The following TMCC1 variants were observed in gnomAD, a reference collection of about 807,000 sequenced individuals.
TMCC1 encodes the protein transmembrane and coiled-coil domains protein 1.
In TMCC1, 15 loss-of-function variants were observed where a neutral mutation model predicts 52.4. That is an observed-to-expected ratio of 0.29 (90% CI 0.19 to 0.44). The LOEUF (loss-of-function observed/expected upper bound fraction) is 0.44. Among genes scored for constraint, TMCC1 ranks in the 20% least tolerant of loss-of-function variants. The probability of loss-of-function intolerance (pLI) is 1.00; values close to 1 mark genes in which losing one functional copy is unlikely to be tolerated. For synonymous variants in TMCC1, 279 were observed against 301.9 expected (o/e 0.92, Z 0.79); for missense variants, 503 against 806.0 (o/e 0.62, Z 4.55).
chr3:129,723,197 G>T (rs1462729848), intron 4 of TMCC1, among the ~76,000 whole-genome samples: 4 of 152,036 alleles, frequency 2.6e-5, no homozygotes, highest in African/African-American at 9.7e-5. Context: ...AATAAAGCTG[G>T]ATCATCCTCC....
At chr3:129,854,522 T>C (rs148544486) in intron 2 of TMCC1, among the ~76,000 whole-genome samples, 159 of 152,232 alleles carry the variant, frequency 1.0e-3, no homozygotes, top group African/African-American at 3.4e-3. Flanking sequence ...AAAAACCTAA[T>C]AAGGACAGGC....
chr3:129,822,612 C>T (rs1384028321), intron 4 of TMCC1, among the ~76,000 whole-genome samples: 1 of 152,070 alleles, frequency 6.6e-6, no homozygotes, highest in African/African-American at 2.4e-5. Context: ...AACTGGTGTT[C>T]TTCAATTCTC....
intron 4 of TMCC1, among the ~76,000 whole-genome samples, chr3:129,809,577 C>T (rs991528291): frequency 6.6e-6 from 1 of 151,066 alleles, no homozygotes; most frequent in Non-Finnish European, 1.5e-5. Context: ...GGTACTGTAA[C>T]AATACAGTAT....
chr3:129,829,188 A>G (rs1288984510), intron 3 of TMCC1, among the ~76,000 whole-genome samples: 1 of 152,222 alleles, frequency 6.6e-6, no homozygotes, highest in Non-Finnish European at 1.5e-5. Flanking sequence ...CAGAATCAGA[A>G]TCAGAGACTA....
chr3:129,725,105 A>T (rs2049968004), intron 4 of TMCC1, among the ~76,000 whole-genome samples: 1 of 152,204 alleles, frequency 6.6e-6, no homozygotes, highest in South Asian at 2.1e-4. Flanking sequence ...AAAGATAATC[A>T]TACAATTTCA....
chr3:129,824,759 T>C (rs1463842284), intron 4 of TMCC1, among the ~76,000 whole-genome samples: 2 of 152,138 alleles, frequency 1.3e-5, no homozygotes, highest in Admixed American at 1.3e-4. Context: ...TATAAGACAT[T>C]CTCTTCATAG....
chr3:129,750,940 C>T (rs1426849520), intron 4 of TMCC1, among the ~76,000 whole-genome samples: 1 of 151,284 alleles, frequency 6.6e-6, no homozygotes, highest in Non-Finnish European at 1.5e-5. Flanking sequence ...TGGCTCACAC[C>T]TGTAATCCCA....
At chr3:129,744,156 T>C (rs1473051899) in intron 4 of TMCC1, among the ~76,000 whole-genome samples, 1 of 152,150 alleles carries the variant, frequency 6.6e-6, no homozygotes, top group Non-Finnish European at 1.5e-5. Flanking sequence ...ACCTTACAAT[T>C]TCACCTTTTA....
chr3:129,892,583 G>C (rs1003496432), intron 1 of TMCC1: 2 of 151,950 alleles, frequency 1.3e-5, no homozygotes, highest in Non-Finnish European at 1.5e-5. Context: ...CTTTCGTAGA[G>C]ATGCTTATGG....
chr3:129,797,584 A>G (rs2056920426), intron 4 of TMCC1, among the ~76,000 whole-genome samples: 1 of 152,012 alleles, frequency 6.6e-6, no homozygotes. Flanking sequence ...TCTACAAAAA[A>G]CACACAAAAA....
At chr3:129,688,046 G>T in intron 4 of TMCC1, 2 of 638,922 alleles carry the variant, frequency 3.1e-6, no homozygotes, top group African/African-American at 4.0e-5. Context: ...TCTCCTTCTG[G>T]TTCCCTTGGT....
chr3:129,718,201 CACTT>C (rs1352659282), intron 4 of TMCC1, among the ~76,000 whole-genome samples: 9 of 152,164 alleles, frequency 5.9e-5, no homozygotes, highest in Non-Finnish European at 1.2e-4. Context: ...TTTATACAAA[CACTT>C]ACATGGTGCC....
chr3:129,879,854 G>A (rs1307177960), intron 2 of TMCC1, among the ~76,000 whole-genome samples: 2 of 152,232 alleles, frequency 1.3e-5, no homozygotes, highest in South Asian at 2.1e-4. Context: ...GTTTACCCAA[G>A]TCACAATTTC....
At chr3:129,756,060 T>C (rs1318900898) in intron 4 of TMCC1, among the ~76,000 whole-genome samples, 1 of 142,016 alleles carries the variant, frequency 7.0e-6, no homozygotes, top group Non-Finnish European at 1.5e-5. Flanking sequence ...ATCATGCCAC[T>C]GCACTCCAGC....
chr3:129,859,844 G>A (rs1037297443), intron 2 of TMCC1, among the ~76,000 whole-genome samples: 1 of 151,958 alleles, frequency 6.6e-6, no homozygotes, highest in African/African-American at 2.4e-5. Flanking sequence ...GCCTGACATG[G>A]TGCTCAATAA....
intron 4 of TMCC1, among the ~76,000 whole-genome samples, chr3:129,817,472 C>T (rs1414214026): frequency 6.6e-6 from 1 of 152,040 alleles, no homozygotes; most frequent in Non-Finnish European, 1.5e-5. Context: ...TATCTGTGAA[C>T]TTTAAGATCA....
At chr3:129,860,179 T>G (rs1376410932) in intron 2 of TMCC1, among the ~76,000 whole-genome samples, 1 of 152,150 alleles carries the variant, frequency 6.6e-6, no homozygotes, top group African/African-American at 2.4e-5. Context: ...CACCTACATA[T>G]AAAAATAGAT....
chr3:129,690,217 CAT>C (rs2046928753), intron 4 of TMCC1, among the ~76,000 whole-genome samples: 3 of 152,010 alleles, frequency 2.0e-5, no homozygotes, highest in Admixed American at 2.0e-4. Flanking sequence ...TAAGAGAATC[CAT>C]ATTTTTTGCC....
intron 4 of TMCC1, among the ~76,000 whole-genome samples, chr3:129,718,799 G>A (rs916032128): frequency 6.6e-6 from 1 of 151,930 alleles, no homozygotes; most frequent in Admixed American, 6.6e-5. Context: ...TTACTGTATT[G>A]TAAGAATAGA....
Sources: gnomAD v4.1 joint callset for allele counts (sites outside exome capture counted in the v4.1 genomes callset) on GRCh38, gnomAD v4.1.1 for gene constraint, MANE v1.5 for transcripts, NCBI Gene and HGNC (gene_info 2026-07-23, HGNC 2026-07-21) for gene names.